Variants in WDR86 observed in about 807,000 individuals in gnomAD.
WDR86 encodes WD repeat-containing protein 86.
WDR86 carries 30 observed loss-of-function variants against 36.5 expected under a neutral mutation model. The observed-to-expected ratio is 0.82, with a 90% confidence interval of 0.61 to 1.11. The LOEUF is 1.11. WDR86 is among the 50% of genes most tolerant of loss of function. The probability of loss-of-function intolerance (pLI) is 0.00; values close to 1 mark genes in which losing one functional copy is unlikely to be tolerated. For missense variants in WDR86, 545 were observed against 561.2 expected (o/e 0.97, Z 0.29); for synonymous variants, 255 against 252.9 (o/e 1.01, Z -0.08).
Position 151,400,189 on chromosome 7 carries a change from T to C in WDR86, c.216A>G (p.Thr72=). 1.9e-6 allele frequency: 3 copies of C among 1,611,830 alleles called. No homozygotes were observed. Among genetic ancestry groups the C allele is most frequent in the African/African-American group, 1.3e-5 (1 of 74,972 alleles). ...TCCTGATGGTGCAGTCGGCGCTGCA[T>C]GTGAAGGCAGCCTCATCCTCCAGCT... ...FCQLEDEAAF[T]CSADCTIRRW... Residue 72 remains threonine, a synonymous_variant, in exon 2 of 6, where the codon ACA becomes ACG. Transcript: ENST00000334493.
chr7:151,399,192 C>T (rs913392033), intron 2 of WDR86, among the ~76,000 whole-genome samples: 5 of 152,352 alleles, frequency 3.3e-5, no homozygotes, highest in South Asian at 2.1e-4. Flanking sequence ...CCCAGCTCCC[C>T]GTCCATCGAC....
rs1458651480 is a variant in WDR86, at chr7:151,381,637, G to T, written c.1076C>A (p.Ser359Ter). 5.8e-6 allele frequency: 8 copies of T among 1,388,182 alleles called. No homozygotes were observed. Among genetic ancestry groups the T allele is most frequent in the Non-Finnish European group, 7.4e-6 (8 of 1,083,012 alleles). 86.0% of individuals were successfully genotyped at this position (1,388,182 alleles called of 1,614,324 possible). A position where few individuals can be genotyped will look rare whatever the true frequency, so the allele number is the denominator to read the frequency against. ...PRPPPPMRSLSRLFSNKVGCA... is the reference protein window; with the variant it reads ...PRPPPPMRSL ...GCCCACCTTGTTGCTGAAGAGCCGC[G>T]AGAGGCTGCGCATGGGCGGAGGGGG... is the stretch of plus-strand genomic sequence containing the variant. The change falls in exon 6 of 6, where the codon TCG becomes TAG. Residue 359 changes from serine (S) to a stop codon, truncating the protein, a stop_gained. Transcript: ENST00000334493. LOFTEE classifies it high-confidence loss of function. This position sits in a 1 kb window ranked among gnomAD's most constrained non-coding sequence, Gnocchi z 4.8.
downstream of WDR86, among the ~76,000 whole-genome samples, chr7:151,379,552 T>C (rs1235924230): frequency 3.9e-5 from 6 of 152,178 alleles, no homozygotes; most frequent in Admixed American, 6.5e-5. Flanking sequence ...TCAGACTCTC[T>C]CACTCACCGT....
intron 1 of WDR86, among the ~76,000 whole-genome samples, chr7:151,407,263 C>T (rs1800772972): frequency 6.6e-6 from 1 of 152,186 alleles, no homozygotes; most frequent in Admixed American, 6.5e-5. Context: ...AGGGGACAAG[C>T]AGCCGTGAGG....
At chr7:151,408,939 C>T (rs769834704) in intron 1 of WDR86, 30 of 472,126 alleles carry the variant, frequency 6.4e-5, no homozygotes, top group Non-Finnish European at 1.0e-4. Flanking sequence ...AGTGTGACGA[C>T]GGCACACTTC....
At chr7:151,392,260 C>T (rs1036805120) in intron 3 of WDR86, among the ~76,000 whole-genome samples, 8 of 152,014 alleles carry the variant, frequency 5.3e-5, no homozygotes, top group African/African-American at 1.9e-4. Context: ...TGCCCACATG[C>T]CCCCATCCAG....
chr7:151,376,709 G>T (rs1430976583), downstream of WDR86: 2 of 1,608,402 alleles, frequency 1.2e-6, no homozygotes, highest in Non-Finnish European at 1.7e-6. Context: ...CCAGCTGGCC[G>T]CCCAGACCCT....
rs189580215 is a variant in WDR86, at chr7:151,401,179, T to C, written c.164-938A>G. 5.9e-4 allele frequency among the ~76,000 whole-genome samples: 90 copies of C among 152,368 alleles called. 1 individual carries two copies. The highest frequency in any genetic ancestry group is 4.6e-4 in the Admixed American group (7 of 15,310). The stretch of plus-strand genomic sequence containing the variant: ...CAGGCAGCCTACCCTGACTCCCCTC[T>C]TGGGGCGTCCTGCCTATTCTGCACC... On this transcript the variant is annotated intron_variant, in intron 1 of 5. Transcript: ENST00000334493. The surrounding 1 kb of genome is among the most constrained non-coding windows in gnomAD (Gnocchi z 4.3).
Position 151,409,319 on chromosome 7 carries a change from C to T in WDR86, c.163+108G>A. 1.4e-6 allele frequency: 2 copies of T among 1,480,980 alleles called. No individual in the cohort carries two copies. Among genetic ancestry groups the T allele is most frequent in the African/African-American group, 2.8e-5 (2 of 71,830 alleles). The allele number at this position is 1,480,980 out of a possible 1,614,324, so 91.7% of individuals were successfully genotyped here. A position where few individuals can be genotyped will look rare whatever the true frequency, so the allele number is the denominator to read the frequency against. ...TCTTCCGCTAGTGTGCCGGGATGAG[C>T]GGGGGCTGGACTTCTAGAAAGGGGT... On this transcript the variant is annotated intron_variant, in intron 1 of 5. Transcript: ENST00000334493. This position sits in a 1 kb window ranked among gnomAD's most constrained non-coding sequence, Gnocchi z 5.2.
downstream of WDR86, among the ~76,000 whole-genome samples, chr7:151,373,687 G>A (rs957447312): frequency 1.4e-4 from 22 of 152,194 alleles, no homozygotes; most frequent in African/African-American, 5.3e-4. Context: ...TCGAAGGCTG[G>A]AAGGCCTTCC....
downstream of WDR86, among the ~76,000 whole-genome samples, chr7:151,379,362 T>C (rs1798450726): frequency 1.3e-5 from 2 of 152,312 alleles, no homozygotes; most frequent in South Asian, 4.1e-4. Context: ...TCCTTGATGC[T>C]GATCACGGCC....
downstream of WDR86, among the ~76,000 whole-genome samples, chr7:151,379,429 C>G (rs1217977424): frequency 6.6e-6 from 1 of 152,168 alleles, no homozygotes; most frequent in African/African-American, 2.4e-5. Context: ...TGTCCTTCCT[C>G]CCTTAGCCAA....
At position 151,409,135 on chromosome 7, in the gene WDR86, T is replaced by C. The variant is rs1236020613; in HGVS notation, c.163+292A>G. 2.3e-5 allele frequency: 15 copies of C among 657,404 alleles called. No homozygotes were observed. Among genetic ancestry groups the C allele is most frequent in the South Asian group, 2.1e-4 (13 of 62,702 alleles). The allele number at this position is 657,404 out of a possible 1,614,324, so 40.7% of individuals were successfully genotyped here. The stretch of plus-strand genomic sequence containing the variant: ...AACATTGTTGTCAAGGGAGATTTCC[T>C]GCCGCTGGTTGACAAATGATCTTCG... On this transcript the variant is annotated intron_variant, in intron 1 of 5. Coordinates refer to ENST00000334493, the MANE Select transcript of WDR86 (RefSeq NM_198285.3). This position sits in a 1 kb window ranked among gnomAD's most constrained non-coding sequence, Gnocchi z 5.2.
At chr7:151,370,323 A>G in the WDR86 span, among the ~76,000 whole-genome samples, 1 of 152,110 alleles carries the variant, frequency 6.6e-6, no homozygotes, top group Non-Finnish European at 1.5e-5. Context: ...TCCTGACCTC[A>G]AGTGATCCTC....
In WDR86 at chr7:151,390,296, C is replaced by T. The variant is rs771762053; in HGVS notation, c.727-5073G>A. Among the ~76,000 whole-genome samples, 6 of 152,150 alleles carry T rather than the reference C, an allele frequency of 3.9e-5. No homozygotes were observed. Among genetic ancestry groups the T allele is most frequent in the African/African-American group, 1.4e-4 (6 of 41,432 alleles). ...AGCCCAGAGCTCACTGCACACCCCC[C>T]ACATCAGGACCCCATCTGGCCACGC... On this transcript the variant is annotated intron_variant, in intron 3 of 5. Transcript: ENST00000334493. The surrounding 1 kb of genome is among the most constrained non-coding windows in gnomAD (Gnocchi z 4.5).
In WDR86 at chr7:151,409,778, G is replaced by A. The variant is rs954388374; in HGVS notation, c.-189C>T. 50 of 1,272,086 alleles carry A rather than the reference G, an allele frequency of 3.9e-5. No individual in the cohort carries two copies. Among genetic ancestry groups the A allele is most frequent in the Admixed American group, 2.5e-4 (6 of 23,618 alleles). The allele number at this position is 1,272,086 out of a possible 1,614,324, so 78.8% of individuals were successfully genotyped here. A position where few individuals can be genotyped will look rare whatever the true frequency, so the allele number is the denominator to read the frequency against. On this transcript the variant is annotated 5_prime_UTR_variant, in exon 1 of 6. Coordinates refer to ENST00000334493, the MANE Select transcript of WDR86 (RefSeq NM_198285.3). This position sits in a 1 kb window ranked among gnomAD's most constrained non-coding sequence, Gnocchi z 5.2. ...GCTCCCCGCTGCCTCCAGCCTCTGG[G>A]CCCGCGAACCCAGGGCGCTGCGGGG...
At chr7:151,392,163 C>T (rs952523567) in intron 3 of WDR86, among the ~76,000 whole-genome samples, 5 of 152,182 alleles carry the variant, frequency 3.3e-5, no homozygotes, top group African/African-American at 9.7e-5. Context: ...GTGGACCTCC[C>T]GGACCCCAGC....
rs1007509864 is a variant in WDR86 at position 151,401,085 on chromosome 7, C to G, written c.164-844G>C. Among the ~76,000 whole-genome samples, 1 of 152,218 alleles carries G rather than the reference C, an allele frequency of 6.6e-6. No individual in the cohort carries two copies. The highest frequency in any genetic ancestry group is 1.5e-5 in the Non-Finnish European group (1 of 68,040). ...CCAGCAACCCCCTTGCCCACCTGCTCATGAATAATCAGGTAAGACTCCTAA... is the reference window on the plus strand; with the variant it reads ...CCAGCAACCCCCTTGCCCACCTGCTGATGAATAATCAGGTAAGACTCCTAA... On this transcript the variant is annotated intron_variant, in intron 1 of 5. Coordinates refer to ENST00000334493, the MANE Select transcript of WDR86 (RefSeq NM_198285.3). The surrounding 1 kb of genome is among the most constrained non-coding windows in gnomAD (Gnocchi z 4.3).
At chr7:151,408,593 T>G in intron 1 of WDR86, 2 of 228,850 alleles carry the variant, frequency 8.7e-6, no homozygotes, top group Admixed American at 4.7e-5. Context: ...CCACAGAGAG[T>G]TCACTGATGA....
Sources: allele counts gnomAD v4.1 joint callset (sites outside exome capture counted in the v4.1 genomes callset), GRCh38; gene constraint gnomAD v4.1.1; non-coding constraint Gnocchi (gnomAD v3.1); transcripts MANE v1.5; gene names NCBI Gene and HGNC (gene_info 2026-07-23, HGNC 2026-07-21).